MDGA2: variants seen among roughly 807,000 people sequenced by gnomAD.
The protein encoded by MDGA2 is MAM domain-containing glycosylphosphatidylinositol anchor protein 2.
In MDGA2, 40 loss-of-function variants were observed where a neutral mutation model predicts 117.8. That is an observed-to-expected ratio of 0.34 (90% CI 0.26 to 0.44). MDGA2 has a LOEUF of 0.44. Ranked by LOEUF, MDGA2 falls within the 20% of genes least tolerant of loss-of-function variation. The probability of loss-of-function intolerance (pLI) is 1.00; values close to 1 mark genes in which losing one functional copy is unlikely to be tolerated. For missense variants in MDGA2, 1,123 were observed against 1,250.6 expected (o/e 0.90, Z 1.54); for synonymous variants, 452 against 439.0 (o/e 1.03, Z -0.37).
intron 1 of MDGA2, among the ~76,000 whole-genome samples, chr14:47,424,436 G>T (rs577234607): frequency 6.6e-6 from 1 of 151,402 alleles, no homozygotes; most frequent in Non-Finnish European, 1.5e-5. Context: ...AAAGTTTTAA[G>T]AGCATATTTA....
At chr14:46,981,178 G>T (rs183565445) in intron 8 of MDGA2, among the ~76,000 whole-genome samples, 1 of 151,576 alleles carries the variant, frequency 6.6e-6, no homozygotes, top group Admixed American at 6.6e-5. Context: ...CCAAGGGGGG[G>T]GCGGATCATG....
At chr14:47,495,185 C>G (rs1037253149) in intron 1 of MDGA2, among the ~76,000 whole-genome samples, 1 of 151,984 alleles carries the variant, frequency 6.6e-6, no homozygotes, top group African/African-American at 2.4e-5. Flanking sequence ...TCAAAAACCA[C>G]CTGTTCTCAC....
chr14:47,048,221 T>A (rs1462372807), intron 7 of MDGA2, among the ~76,000 whole-genome samples: 3 of 152,064 alleles, frequency 2.0e-5, no homozygotes, highest in Non-Finnish European at 2.9e-5. Flanking sequence ...CAGGGACTAG[T>A]AAGTTATAAG....
intron 1 of MDGA2, among the ~76,000 whole-genome samples, chr14:47,619,894 G>A (rs1314012446): frequency 6.6e-6 from 1 of 151,030 alleles, no homozygotes; most frequent in Non-Finnish European, 1.5e-5. Flanking sequence ...TGGCAGTGGA[G>A]CCTGACTGAC....
At chr14:47,410,560 C>A (rs1260255633) in intron 1 of MDGA2, among the ~76,000 whole-genome samples, 1 of 152,022 alleles carries the variant, frequency 6.6e-6, no homozygotes, top group South Asian at 2.1e-4. Flanking sequence ...TAATCACTTA[C>A]ATAAAAGAGA....
intron 3 of MDGA2, among the ~76,000 whole-genome samples, chr14:47,216,213 A>G (rs1229633933): frequency 6.6e-6 from 1 of 152,146 alleles, no homozygotes; most frequent in East Asian, 1.9e-4. Context: ...AAAAATGTGA[A>G]TTTCCCGCTT....
chr14:47,376,179 T>A (rs1244032728), intron 1 of MDGA2, among the ~76,000 whole-genome samples: 1 of 152,172 alleles, frequency 6.6e-6, no homozygotes, highest in Non-Finnish European at 1.5e-5. Flanking sequence ...TACATTTTAA[T>A]CAGCTTGGGA....
chr14:46,921,538 A>G (rs1041616924), intron 9 of MDGA2, among the ~76,000 whole-genome samples: 1 of 150,698 alleles, frequency 6.6e-6, no homozygotes, highest in Non-Finnish European at 1.5e-5. Flanking sequence ...GGATCACCTG[A>G]GTCTAGGGAG....
intron 2 of MDGA2, among the ~76,000 whole-genome samples, chr14:47,224,286 T>TATAGATATAGAC (rs1231786607): frequency 7.7e-6 from 1 of 129,696 alleles, no homozygotes; most frequent in Admixed American, 7.6e-5. Flanking sequence ...TAGAGTCTGA[T>TATAGATATAGAC]ATAGATATAG....
chr14:47,268,224 CA>C (rs1361112425), intron 2 of MDGA2, among the ~76,000 whole-genome samples: 1 of 151,938 alleles, frequency 6.6e-6, no homozygotes, highest in Non-Finnish European at 1.5e-5. Flanking sequence ...AGGCATGTGC[CA>C]CTGCACCTGG....
At chr14:47,189,500 G>A (rs947438416) in intron 3 of MDGA2, among the ~76,000 whole-genome samples, 22 of 151,984 alleles carry the variant, frequency 1.4e-4, no homozygotes, top group African/African-American at 5.1e-4. Flanking sequence ...TGCTGATATC[G>A]AGTCAGGTGT....
chr14:47,575,011 G>A lies in MDGA2; in HGVS notation c.280+99506C>T, dbSNP rs541011850. On this transcript the variant is annotated intron_variant, in intron 1 of 16. Transcript: ENST00000399232. ...GTGTGTATAAAGTGTACATAGGTCT[G>A]TGTGTATAAAGTTTATATAGGTAGG... is the stretch of plus-strand genomic sequence containing the variant. 3.3e-5 allele frequency among the ~76,000 whole-genome samples: 5 copies of A among 152,284 alleles called. No individual in the cohort carries two copies. The South Asian group carries it at 1.0e-3, about 32-fold the overall frequency.
intron 1 of MDGA2, among the ~76,000 whole-genome samples, chr14:47,338,798 C>G (rs1307656632): frequency 6.6e-6 from 1 of 152,080 alleles, no homozygotes; most frequent in Non-Finnish European, 1.5e-5. Context: ...TGATTCATTT[C>G]TTCAACTCTG....
At chr14:46,936,908 A>G (rs1884802183) in intron 9 of MDGA2, among the ~76,000 whole-genome samples, 1 of 152,002 alleles carries the variant, frequency 6.6e-6, no homozygotes, top group Non-Finnish European at 1.5e-5. Flanking sequence ...CACTCTTACC[A>G]CTCTTATTCA....
At chr14:47,529,954 C>T (rs549731791) in intron 1 of MDGA2, among the ~76,000 whole-genome samples, 35 of 152,300 alleles carry the variant, frequency 2.3e-4, no homozygotes, top group Non-Finnish European at 4.4e-4. Context: ...AAGATGAAAT[C>T]CTCCTGATTA....
chr14:47,000,871 A>G (rs1566568231), intron 8 of MDGA2, among the ~76,000 whole-genome samples: 1 of 152,032 alleles, frequency 6.6e-6, no homozygotes, highest in Non-Finnish European at 1.5e-5. Flanking sequence ...TAATTCTTTG[A>G]TTATTAAAGT....
At position 46,874,164 on chromosome 14, in the gene MDGA2, C is replaced by T. The variant is rs750167322; in HGVS notation, c.2474G>A (p.Cys825Tyr). The T allele has an allele frequency of 6.8e-7, 1 of 1,471,806 alleles. No homozygotes were observed. Among genetic ancestry groups the T allele is most frequent in the South Asian group, 1.6e-5 (1 of 62,664 alleles). The allele number at this position is 1,471,806 out of a possible 1,614,324, so 91.2% of individuals were successfully genotyped here. The change falls in exon 13 of 17, where the codon TGT (cysteine) becomes TAT (tyrosine). Residue 825 changes from cysteine (C) to tyrosine (Y), a missense_variant. Around this residue, in one of 2 missense-constraint regions of MDGA2, gnomAD observed 890 missense variants for 1,050.3 expected, o/e 0.85. Coordinates refer to ENST00000399232, the MANE Select transcript of MDGA2 (RefSeq NM_001113498.3). ...ATCTGTATCATCTTGAGTGAACAAA[C>T]AAATATTACCATCTTCAAATCCACA... ...FHCGFEDGNI[C>Y]LFTQDDTDNF...
Position 47,108,866 on chromosome 14 carries a change from T to G in MDGA2, c.926-11743A>C, listed in dbSNP as rs544066270. Among the ~76,000 whole-genome samples the G allele has an allele frequency of 8.9e-4, 136 of 152,290 alleles. 1 individual carries two copies. Among genetic ancestry groups the G allele is most frequent in the African/African-American group, 3.2e-3 (132 of 41,552 alleles). On this transcript the variant is annotated intron_variant, in intron 5 of 16. Coordinates refer to ENST00000399232, the MANE Select transcript of MDGA2 (RefSeq NM_001113498.3). ...AAAGTCAGTGAAGCAAAAAAGATGA[T>G]CCCCGTGTATAAGCTATACCAATAG...
intron 7 of MDGA2, among the ~76,000 whole-genome samples, chr14:47,040,111 T>C (rs1889009992): frequency 6.6e-6 from 1 of 152,168 alleles, no homozygotes; most frequent in Non-Finnish European, 1.5e-5. Flanking sequence ...ACATGCTCTG[T>C]CTTTACATTG....
Sources: allele counts gnomAD v4.1 joint callset (sites outside exome capture counted in the v4.1 genomes callset), GRCh38; gene constraint gnomAD v4.1.1; regional missense constraint gnomAD v4.1.1; transcripts MANE v1.5; gene names NCBI Gene and HGNC (gene_info 2026-07-23, HGNC 2026-07-21).